The following PCDH7 variants were observed in gnomAD, a reference collection of about 807,000 sequenced individuals.
PCDH7 encodes protocadherin-7.
Under a neutral mutation model 58.9 loss-of-function variants are expected in PCDH7, and 17 were observed. The ratio of observed to expected loss-of-function variants is 0.29; its 90% CI spans 0.20 to 0.43. PCDH7 has a LOEUF of 0.43. Among genes scored for constraint, PCDH7 ranks in the 20% least tolerant of loss-of-function variants. The probability of loss-of-function intolerance (pLI) is 1.00; values close to 1 mark genes in which losing one functional copy is unlikely to be tolerated. For synonymous variants in PCDH7, 664 were observed against 616.4 expected (o/e 1.08, Z -1.14); for missense variants, 1,274 against 1,441.0 (o/e 0.88, Z 1.88).
At chr4:30,894,566 C>CATAT (rs1273517651) in intron 1 of PCDH7, among the ~76,000 whole-genome samples, 1 of 91,632 alleles carries the variant, frequency 1.1e-5, no homozygotes, top group African/African-American at 4.2e-5. Context: ...CACATATATA[C>CATAT]ATATACACAC....
intron 3 of PCDH7, among the ~76,000 whole-genome samples, chr4:30,994,164 T>C (rs190466471): frequency 6.6e-6 from 1 of 152,356 alleles, no homozygotes; most frequent in African/African-American, 2.4e-5. Flanking sequence ...ATGTGTTCTA[T>C]CTTTGTTAAA....
At chr4:31,005,993 C>T (rs999938790) in intron 3 of PCDH7, among the ~76,000 whole-genome samples, 8 of 152,112 alleles carry the variant, frequency 5.3e-5, no homozygotes, top group African/African-American at 1.9e-4. Flanking sequence ...ACTTCATCTG[C>T]AAAATGGAGA....
At chr4:30,980,935 T>A (rs1443538341) in intron 3 of PCDH7, among the ~76,000 whole-genome samples, 3 of 152,138 alleles carry the variant, frequency 2.0e-5, no homozygotes, top group Admixed American at 2.0e-4. Flanking sequence ...CTCTGCCTCC[T>A]GGGTTCAAGT....
chr4:31,100,968 C>T (rs1714817967), intron 3 of PCDH7, among the ~76,000 whole-genome samples: 1 of 152,098 alleles, frequency 6.6e-6, no homozygotes, highest in Non-Finnish European at 1.5e-5. Context: ...TAATTTTACC[C>T]TATTTGCTGT....
At chr4:31,050,078 C>T (rs566168006) in intron 3 of PCDH7, among the ~76,000 whole-genome samples, 1 of 152,180 alleles carries the variant, frequency 6.6e-6, no homozygotes, top group Non-Finnish European at 1.5e-5. Context: ...ATCTCTCTGG[C>T]TGTGACAGGA....
At chr4:31,135,701 AG>A (rs1719517001) in intron 3 of PCDH7, among the ~76,000 whole-genome samples, 1 of 152,224 alleles carries the variant, frequency 6.6e-6, no homozygotes, top group South Asian at 2.1e-4. Context: ...AAAATCTAAA[AG>A]TCTAAGGCCA....
intron 1 of PCDH7, among the ~76,000 whole-genome samples, chr4:30,839,155 G>T (rs911798754): frequency 6.6e-6 from 1 of 151,578 alleles, no homozygotes; most frequent in Non-Finnish European, 1.5e-5. Context: ...TATAATAATT[G>T]CTATGTATTA....
intron 1 of PCDH7, among the ~76,000 whole-genome samples, chr4:30,865,919 C>T (rs1734826019): frequency 6.6e-6 from 1 of 152,032 alleles, no homozygotes; most frequent in South Asian, 2.1e-4. Context: ...ATAGCAGATG[C>T]ATTCTTATCC....
chr4:31,030,007 A>C (rs1357264076), intron 3 of PCDH7, among the ~76,000 whole-genome samples: 1 of 152,172 alleles, frequency 6.6e-6, no homozygotes, highest in Admixed American at 6.5e-5. Flanking sequence ...TTTTCTAGTC[A>C]TGAATGAATT....
chr4:30,989,046 G>T (rs1293938952), intron 3 of PCDH7, among the ~76,000 whole-genome samples: 1 of 152,104 alleles, frequency 6.6e-6, no homozygotes. Context: ...TGTTGTAGAT[G>T]ATTTAGACCA....
At chr4:30,856,145 C>T (rs1733427014) in intron 1 of PCDH7, among the ~76,000 whole-genome samples, 1 of 151,576 alleles carries the variant, frequency 6.6e-6, no homozygotes, top group South Asian at 2.1e-4. Flanking sequence ...AAATTTAGTT[C>T]ATCTGAGAGG....
intron 1 of PCDH7, chr4:30,783,163 T>C (rs1723008211): frequency 6.6e-6 from 1 of 152,180 alleles, no homozygotes; most frequent in Non-Finnish European, 1.5e-5. Flanking sequence ...TGTCCTGTCT[T>C]TCATTTCAAA....
At chr4:31,008,153 T>C (rs1038993824) in intron 3 of PCDH7, among the ~76,000 whole-genome samples, 1 of 152,034 alleles carries the variant, frequency 6.6e-6, no homozygotes, top group African/African-American at 2.4e-5. Context: ...AAAGGTGCAT[T>C]AGTCAAATGA....
intron 1 of PCDH7, among the ~76,000 whole-genome samples, chr4:30,750,779 C>T (rs1393179114): frequency 2.0e-5 from 3 of 151,956 alleles, no homozygotes; most frequent in Non-Finnish European, 4.4e-5. Context: ...ATGGTGCCCA[C>T]CCCGAAGCAG....
At chr4:31,004,343 C>T (rs1392187296) in intron 3 of PCDH7, among the ~76,000 whole-genome samples, 1 of 152,064 alleles carries the variant, frequency 6.6e-6, no homozygotes, top group Non-Finnish European at 1.5e-5. Context: ...TTACAATGCA[C>T]AGCAAAATAT....
chr4:30,903,108 C>G (rs1740445939), intron 1 of PCDH7, among the ~76,000 whole-genome samples: 1 of 152,024 alleles, frequency 6.6e-6, no homozygotes. Context: ...GGGTTATGGC[C>G]AGGTTGTGAA....
intron 3 of PCDH7, among the ~76,000 whole-genome samples, chr4:31,070,251 A>G (rs1397445987): frequency 6.6e-6 from 1 of 152,032 alleles, no homozygotes; most frequent in South Asian, 2.1e-4. Flanking sequence ...GGATTTATCG[A>G]TTGACAAATA....
intron 1 of PCDH7, among the ~76,000 whole-genome samples, chr4:30,857,564 T>G (rs1185903178): frequency 6.6e-6 from 1 of 152,126 alleles, no homozygotes; most frequent in Non-Finnish European, 1.5e-5. Context: ...CTGAGGATCT[T>G]AGTTCTTGGA....
In PCDH7 at chr4:31,104,714, AC is replaced by A. The variant is rs1715328591; in HGVS notation, c.*8-37758del. Reference sequence around the variant, plus strand: ...GACGTGGTCTACATGTAAACTCTTTACAAACAGCATCTGAATTACAGGCAGA... The same window carrying A: ...GACGTGGTCTACATGTAAACTCTTTAAAACAGCATCTGAATTACAGGCAGA... On this transcript the variant is annotated intron_variant, in intron 3 of 3. Coordinates refer to the PCDH7 transcript ENST00000509759. Among the ~76,000 whole-genome samples, 2 of 152,182 alleles carry A rather than the reference AC, an allele frequency of 1.3e-5. 1 individual carries two copies. Among genetic ancestry groups the A allele is most frequent in the South Asian group, 4.1e-4 (2 of 4,836 alleles).
Sources: gnomAD v4.1 joint callset for allele counts (sites outside exome capture counted in the v4.1 genomes callset) on GRCh38, gnomAD v4.1.1 for gene constraint, MANE v1.5 for transcripts, NCBI Gene and HGNC (gene_info 2026-07-23, HGNC 2026-07-21) for gene names.